The following PKD1 variants were observed in gnomAD, a reference collection of about 807,000 sequenced individuals.
The protein encoded by PKD1 is polycystin 1, transient receptor potential channel interacting, also known as polycystin-1.
In PKD1, 81 loss-of-function variants were observed where a neutral mutation model predicts 361.7. The observed-to-expected ratio is 0.22, with a 90% CI of 0.19 to 0.27. PKD1 has a LOEUF of 0.27. PKD1 is among the 10% of genes least tolerant of loss of function. The pLI is 1.00. For missense variants in PKD1, 6,399 were observed against 6,118.3 expected (o/e 1.05, Z -1.53); for synonymous variants, 3,615 against 2,818.3 (o/e 1.28, Z -8.95).
In PKD1 at chr16:2,119,200, G is replaced by C. The variant is rs1262404616; in HGVS notation, c.288-15C>G. ...TGCTTATATCCCTGGAAGAGACGGGGGATTCGGCAAAGCTGATGGAAGCCC... is the reference window on the plus strand; with the variant it reads ...TGCTTATATCCCTGGAAGAGACGGGCGATTCGGCAAAGCTGATGGAAGCCC... On this transcript the variant is annotated splice_polypyrimidine_tract_variant and intron_variant, in intron 2 of 45. Transcript: ENST00000262304. The C allele has an allele frequency of 1.3e-6, 2 of 1,562,992 alleles. No individual in the cohort carries two copies. The highest frequency in any genetic ancestry group is 4.5e-5 in the East Asian group (2 of 44,200).
chr16:2,106,993 T>C lies in PKD1; in HGVS notation c.7066-45A>G. 3 of 1,568,534 alleles carry C rather than the reference T, an allele frequency of 1.9e-6. No homozygotes were observed. Among genetic ancestry groups the C allele is most frequent in the Non-Finnish European group, 2.6e-6 (3 of 1,156,528 alleles). ...ACCTCCAACACAGGTCTATTTGGCC[T>C]GCTGGAAGGACTGGGGGACCCATGG... On this transcript the variant is annotated intron_variant, in intron 16 of 45. Transcript: ENST00000262304. This position sits in a 1 kb window ranked among gnomAD's most constrained non-coding sequence, Gnocchi z 6.5.
chr16:2,113,764 G>A (rs893416157), intron 11 of PKD1: 1 of 377,708 alleles, frequency 2.6e-6, no homozygotes, highest in Non-Finnish European at 5.0e-6. Context: ...AGACAGCCCT[G>A]TCCCCCATGT....
At chr16:2,098,268 G>A in intron 30 of PKD1, 1 of 504,560 alleles carries the variant, frequency 2.0e-6, no homozygotes, top group Admixed American at 3.3e-5. Context: ...GAGTGCAATG[G>A]CGCAATCTCA....
chr16:2,097,903 T>C lies in PKD1; in HGVS notation c.10132A>G (p.Ser3378Gly), dbSNP rs1307120106. Residue 3378 changes from serine (S) to glycine (G), a missense_variant, in exon 31 of 46, where the codon AGC becomes GGC. Physicochemically the swap from Ser to Gly is moderately conservative, Grantham distance 56 (BLOSUM62 0). Coordinates refer to ENST00000262304, the MANE Select transcript of PKD1 (RefSeq NM_001009944.3). ...DSCLDSSVLD[S>G]SFLTFSGLHA... ...AGGCCTGAGAACGTGAGGAAGGAGC[T>C]GTCCAGCACGGACGAGTCCAGGCAG... The C allele has an allele frequency of 4.4e-6, 7 of 1,604,732 alleles. No homozygotes were observed. The highest frequency in any genetic ancestry group is 5.1e-6 in the Non-Finnish European group (6 of 1,174,334).
In PKD1 at chr16:2,114,209, C is replaced by T. The variant is rs766133872; in HGVS notation, c.2814G>A (p.Thr938=). 2.7e-5 allele frequency: 43 copies of T among 1,609,368 alleles called. No individual in the cohort carries two copies. Among genetic ancestry groups the T allele is most frequent in the Admixed American group, 1.2e-4 (7 of 59,970 alleles). ...AEEPICGLRA[T]PSPEARVLQG... The stretch of plus-strand genomic sequence containing the variant: ...GCAGTACACGGGCCTCGGGGCTGGG[C>T]GTGGCGCGGAGGCCACAGATGGGCT... Residue 938 remains threonine (T), a synonymous_variant, in exon 11 of 46, where the codon ACG becomes ACA. Transcript: ENST00000262304.
rs749291211 is a variant in PKD1 at position 2,105,329 on chromosome 16, T to C, written c.8009A>G (p.Gln2670Arg). 464 of 1,594,206 alleles carry C rather than the reference T, an allele frequency of 2.9e-4. 1 individual carries two copies. Among genetic ancestry groups the C allele is most frequent in the Non-Finnish European group, 3.8e-4 (445 of 1,178,464 alleles). ...DIQQIAAALA[Q>R]CMGPSRELVC... ...CAGGTGGGGCCATCCTACCATGCACTGGGCCAGCGCAGCAGCGATCTGCTG... is the reference window on the plus strand; with the variant it reads ...CAGGTGGGGCCATCCTACCATGCACCGGGCCAGCGCAGCAGCGATCTGCTG... Residue 2670 changes from glutamine (Q) to arginine (R), a missense_variant, in exon 21 of 46, where the codon CAG becomes CGG. Physicochemically the swap from Gln to Arg is conservative, Grantham distance 43 (BLOSUM62 1). Transcript: ENST00000262304.
chr16:2,135,270 T>G, intron 1 of PKD1: 1 of 985,038 alleles, frequency 1.0e-6, no homozygotes, highest in Non-Finnish European at 1.2e-6. Flanking sequence ...GACGTCTGTC[T>G]CCAGACCCGG....
In PKD1 at chr16:2,112,948, G is replaced by C. The variant is rs764630631; in HGVS notation, c.3001C>G (p.His1001Asp). 1.9e-6 allele frequency: 3 copies of C among 1,601,220 alleles called. No individual in the cohort carries two copies. The East Asian group carries it at 6.7e-5, about 36-fold the overall frequency. Residue 1001 changes from histidine (H) to aspartate (D), a missense_variant, in exon 13 of 46, where the codon CAC becomes GAC. Physicochemically the swap from His to Asp is moderately conservative, Grantham distance 81. Transcript: ENST00000262304. ...TAGTTCACGGTGACGTTGCTCACGT[G>C]GTTGGAGGCCGTCAGCTGCAGGGAC... ...VFKLSLTASN[H>D]VSNVTVNYNV...
chr16:2,116,127 C>T lies in PKD1; in HGVS notation c.1723-9G>A. The stretch of plus-strand genomic sequence containing the variant: ...CCCGGGAATACCATGACCTGGTGGG[C>T]AGGGGGCCGCCTCAGCTCCACAGAC... On this transcript the variant is annotated splice_polypyrimidine_tract_variant and intron_variant, in intron 8 of 45. Coordinates refer to ENST00000262304, the MANE Select transcript of PKD1 (RefSeq NM_001009944.3). The T allele has an allele frequency of 6.4e-7, 1 of 1,560,360 alleles. No homozygotes were observed. The highest frequency in any genetic ancestry group is 8.7e-7 in the Non-Finnish European group (1 of 1,150,812).
At chr16:2,131,503 A>C (rs1251213650) in intron 1 of PKD1, among the ~76,000 whole-genome samples, 1 of 149,822 alleles carries the variant, frequency 6.7e-6, no homozygotes, top group African/African-American at 2.5e-5. Context: ...GTGAGACTCC[A>C]TCTCAAATAA....
intron 16 of PKD1, chr16:2,107,426 G>A (rs2092379804): frequency 2.8e-6 from 1 of 360,194 alleles, no homozygotes; most frequent in East Asian, 7.1e-5. Context: ...GGAAAGCAGG[G>A]ACTGGGGAAC....
chr16:2,089,936 C>T lies in PKD1; in HGVS notation c.12703G>A (p.Asp4235Asn), dbSNP rs758347206. The change falls in exon 46 of 46, where the codon GAC becomes AAC. Residue 4235 changes from aspartate to asparagine, a missense_variant. By Grantham distance (23) the Asp-to-Asn change is conservative. Transcript: ENST00000262304. Reference protein sequence around the residue: ...QFDRLNQATEDVYQLEQQLHS... With the variant: ...QFDRLNQATENVYQLEQQLHS... ...AGCTGCTGCTCCAGCTGGTAGACGT[C>T]CTCTGTGGCCTGGTTGAGTCGGTCA... The T allele has an allele frequency of 3.7e-6, 6 of 1,612,298 alleles. No homozygotes were observed. Among genetic ancestry groups the T allele is most frequent in the Admixed American group, 1.7e-5 (1 of 59,956 alleles).
Position 2,106,022 on chromosome 16 carries a change from G to A in PKD1, c.7706C>T (p.Ser2569Phe). The change falls in exon 20 of 46, where the codon TCT becomes TTT. Residue 2569 changes from serine (S) to phenylalanine (F), a missense_variant and splice_region_variant. Ser to Phe is a radical substitution (Grantham distance 155). Coordinates refer to ENST00000262304, the MANE Select transcript of PKD1 (RefSeq NM_001009944.3). This position sits in a 1 kb window ranked among gnomAD's most constrained non-coding sequence, Gnocchi z 6.5. ...LGAAVVALNR[S>F]LAITLPEPNG... ...GGGCTCTGGGAGGGTGATGGCCAAA[G>A]ACCTACGAGCAGAGGGGGGTGGTGA... The A allele has an allele frequency of 6.2e-7, 1 of 1,606,186 alleles. No individual in the cohort carries two copies. Among genetic ancestry groups the A allele is most frequent in the Non-Finnish European group, 8.5e-7 (1 of 1,179,174 alleles).
In PKD1 at chr16:2,111,166, G is replaced by C. The variant is rs374040681; in HGVS notation, c.4001C>G (p.Ser1334Cys). The C allele has an allele frequency of 6.2e-7, 1 of 1,611,310 alleles. No homozygotes were observed. The highest frequency in any genetic ancestry group is 2.2e-5 in the East Asian group (1 of 44,874). Residue 1334 changes from serine (S) to cysteine (C), a missense_variant, in exon 15 of 46, where the codon TCC becomes TGC. Coordinates refer to ENST00000262304, the MANE Select transcript of PKD1 (RefSeq NM_001009944.3). Reference sequence around the variant, plus strand: ...GCACCCCCGCACGGTCGTGTTGGAGGAGCCATCCCCGAAGGTCCAGTCGAA... The same window carrying C: ...GCACCCCCGCACGGTCGTGTTGGAGCAGCCATCCCCGAAGGTCCAGTCGAA... ...YLFDWTFGDG[S>C]SNTTVRGCPT...
At position 2,129,541 on chromosome 16, in the gene PKD1, A is replaced by ATTT. The variant is rs71148122; in HGVS notation, c.215+5931_215+5933dup. ...GAGAAATCTCTGTTCAGATCCTGTG[A>ATTT]TTTTTTTTTTTTTTTTTTTTTTTTT... On this transcript the variant is annotated intron_variant, in intron 1 of 45. Coordinates refer to ENST00000262304, the MANE Select transcript of PKD1 (RefSeq NM_001009944.3). 5.5e-5 allele frequency among the ~76,000 whole-genome samples: 4 copies of ATTT among 72,090 alleles called. 1 individual carries two copies. Among genetic ancestry groups the ATTT allele is most frequent in the African/African-American group, 2.9e-4 (4 of 13,712 alleles). 47.3% of individuals were successfully genotyped at this position (72,090 alleles called of 152,430 possible). A position where few individuals can be genotyped will look rare whatever the true frequency, so the allele number is the denominator to read the frequency against.
Position 2,090,984 on chromosome 16 carries a change from C to T in PKD1, c.11903G>A (p.Arg3968His), listed in dbSNP as rs1297869565. The T allele has an allele frequency of 2.6e-6, 4 of 1,536,562 alleles. No individual in the cohort carries two copies. Among genetic ancestry groups the T allele is most frequent in the African/African-American group, 2.7e-5 (2 of 73,104 alleles). Residue 3968 changes from arginine to histidine, a missense_variant, in exon 43 of 46, where the codon CGC (arginine) becomes CAC (histidine). Transcript: ENST00000262304. ...AADRQWTRFV[R>H]GRPRRFTSFD... ...GCTAGTGAAGCGGCGCGGGCGGCCGCGCACGAAACGGGTCCACTGGCGGTC... is the reference window on the plus strand; with the variant it reads ...GCTAGTGAAGCGGCGCGGGCGGCCGTGCACGAAACGGGTCCACTGGCGGTC...
chr16:2,125,001 C>G (rs369053606), intron 1 of PKD1, among the ~76,000 whole-genome samples: 124 of 152,310 alleles, frequency 8.1e-4, no homozygotes, highest in African/African-American at 2.3e-3. Flanking sequence ...AGGAAATGGG[C>G]TGCAGTGTGG....
In PKD1 at chr16:2,118,563, T is replaced by C; in HGVS notation, c.530-101A>G. 1 of 1,087,448 alleles carries C rather than the reference T, an allele frequency of 9.2e-7. No homozygotes were observed. The highest frequency in any genetic ancestry group is 1.4e-6 in the Non-Finnish European group (1 of 739,276). 67.4% of individuals were successfully genotyped at this position (1,087,448 alleles called of 1,614,324 possible). A position where few individuals can be genotyped will look rare whatever the true frequency, so the allele number is the denominator to read the frequency against. ...ACTCACAGGCTCCCATGCTGTTCCC[T>C]TGGCCCGGAGGCCCCCCCCAGAGAG... On this transcript the variant is annotated intron_variant, in intron 4 of 45. Transcript: ENST00000262304. The surrounding 1 kb of genome is among the most constrained non-coding windows in gnomAD (Gnocchi z 6.0).
chr16:2,107,176 T>C (rs2092368317), intron 16 of PKD1: 3 of 588,882 alleles, frequency 5.1e-6, no homozygotes, highest in Admixed American at 2.5e-5. Context: ...TCTGGTGTAC[T>C]GGACCCAGCT....
Sources: allele counts gnomAD v4.1 joint callset (sites outside exome capture counted in the v4.1 genomes callset), GRCh38; gene constraint gnomAD v4.1.1; non-coding constraint Gnocchi (gnomAD v3.1); transcripts MANE v1.5; gene names NCBI Gene and HGNC (gene_info 2026-07-23, HGNC 2026-07-21).